The following FABP2 variants were observed in gnomAD, a reference collection of about 807,000 sequenced individuals.
FABP2 encodes the protein fatty acid binding protein 2.
In FABP2, 11 loss-of-function variants were observed where a neutral mutation model predicts 16.1. The observed-to-expected ratio is 0.68, with a 90% CI of 0.43 to 1.13. The LOEUF (loss-of-function observed/expected upper bound fraction) is 1.13. Ranked by LOEUF, FABP2 falls within the 50% of genes most tolerant of loss-of-function variation. FABP2 has a pLI of 0.00. For missense variants in FABP2, 146 were observed against 155.1 expected, an observed-to-expected ratio of 0.94 and a Z score of 0.31; for synonymous variants, 45 against 50.9, an observed-to-expected ratio of 0.88 and a Z score of 0.49.
Position 119,318,554 on chromosome 4 carries a change from A to G in FABP2, c.*487T>C, listed in dbSNP as rs1755615511. 1 of 152,438 alleles carries G rather than the reference A, an allele frequency of 6.6e-6. No individual in the cohort carries two copies. Among genetic ancestry groups the G allele is most frequent in the African/African-American group, 2.4e-5 (1 of 41,396 alleles). The allele number at this position is 152,438 out of a possible 1,614,324, so 9.4% of individuals were successfully genotyped here. A position where few individuals can be genotyped will look rare whatever the true frequency, so the allele number is the denominator to read the frequency against. ...TCTCTAAAAAAAATAAAAAGAAAAC[A>G]AAACAAAAATTAGCTGGGCACTGTG... On this transcript the variant is annotated 3_prime_UTR_variant, in exon 4 of 4. Transcript: ENST00000274024.
chr4:119,320,522 T>C (rs1351094009), intron 2 of FABP2, 148 bp downstream of exon 2: 4 of 581,744 alleles, frequency 6.9e-6, no homozygotes. Context: ...ATTTGTGCAA[T>C]ATATAATGTA....
chr4:119,319,238 A>AT (rs1362074505), intron 3 of FABP2, 147 bp from the exon 4 acceptor site: 2 of 390,762 alleles, frequency 5.1e-6, no homozygotes, highest in East Asian at 9.3e-5. Context: ...AGTTTATACA[A>AT]TTTTTTCTTG....
intron 3 of FABP2, 54 bp downstream of exon 3, chr4:119,319,482 T>C: frequency 7.7e-6 from 8 of 1,036,750 alleles, no homozygotes; most frequent in Non-Finnish European, 1.2e-5. Context: ...ACAAAAATTA[T>C]TGTTTTGTAG....
intron 3 of FABP2, 145 bp downstream of exon 3, chr4:119,319,391 A>G: frequency 2.1e-6 from 1 of 474,058 alleles, no homozygotes; most frequent in Non-Finnish European, 3.7e-6. Context: ...GCATCAGAAA[A>G]TAGCTATACA....
chr4:119,320,776 CCTT>C lies in FABP2; in HGVS notation c.131_133del (p.Glu44del). 1 of 1,606,064 alleles carries C rather than the reference CCTT, an allele frequency of 6.2e-7. No individual in the cohort carries two copies. Among genetic ancestry groups the C allele is most frequent in the South Asian group, 1.1e-5 (1 of 89,416 alleles). The stretch of plus-strand genomic sequence containing the variant: ...TGATTCTTTGACTGTGAATTTATTT[CCTT>C]CTTGTGTAATTGTCAGCTTCAAATT... On this transcript the variant is annotated inframe_deletion, in exon 2 of 4. Transcript: ENST00000274024.
rs1440413725 is a variant in FABP2 at position 119,318,799 on chromosome 4, AT to A, written c.*241del. 2.6e-6 allele frequency: 1 copy of A among 385,132 alleles called. No homozygotes were observed. Among genetic ancestry groups the A allele is most frequent in the Non-Finnish European group, 4.7e-6 (1 of 213,776 alleles). 23.9% of individuals were successfully genotyped at this position (385,132 alleles called of 1,614,324 possible). A position where few individuals can be genotyped will look rare whatever the true frequency, so the allele number is the denominator to read the frequency against. On this transcript the variant is annotated 3_prime_UTR_variant, in exon 4 of 4. Coordinates refer to ENST00000274024, the MANE Select transcript of FABP2 (RefSeq NM_000134.4). Reference sequence around the variant, plus strand: ...ATAAAGCAACATGGACGCAATATTTATTTTTGTTTTTTAAAATGTCACAAAT... The same window carrying A: ...ATAAAGCAACATGGACGCAATATTTATTTTGTTTTTTAAAATGTCACAAAT...
rs1459460225 is a variant in FABP2, at chr4:119,317,797, T to C, written c.*1244A>G. The C allele has an allele frequency of 6.6e-6, 1 of 152,046 alleles. No homozygotes were observed. The highest frequency in any genetic ancestry group is 2.4e-5 in the African/African-American group (1 of 41,408). The allele number at this position is 152,046 out of a possible 1,614,324, so 9.4% of individuals were successfully genotyped here. On this transcript the variant is annotated 3_prime_UTR_variant, in exon 4 of 4. Transcript: ENST00000274024. ...GAAGCACATAAAATTTTACGTCATG[T>C]GAAAATATGAATAAAAGGAAACTTT...
Position 119,318,303 on chromosome 4 carries a change from T to C in FABP2, c.*738A>G, listed in dbSNP as rs189738188. ...TTATTTTACATTTGTGTTTCTTATT[T>C]CTAAGTTTTCTGGTTGAGCATATAT... is the stretch of plus-strand genomic sequence containing the variant. On this transcript the variant is annotated 3_prime_UTR_variant, in exon 4 of 4. Transcript: ENST00000274024. 1 of 152,236 alleles carries C rather than the reference T, an allele frequency of 6.6e-6. No individual in the cohort carries two copies. The highest frequency in any genetic ancestry group is 6.6e-5 in the Admixed American group (1 of 15,266). The allele number at this position is 152,236 out of a possible 1,614,324, so 9.4% of individuals were successfully genotyped here.
chr4:119,319,680 G>T (rs1347374763), intron 2 of FABP2, 37 bp from the exon 3 acceptor site: 1 of 568,086 alleles, frequency 1.8e-6, no homozygotes. Flanking sequence ...TAATAATAAT[G>T]GCATTTATTA....
rs1412975513 is a variant in FABP2 at position 119,319,560 on chromosome 4, T to C, written c.324A>G (p.Glu108=). 6.4e-7 allele frequency: 1 copy of C among 1,565,486 alleles called. No individual in the cohort carries two copies. The highest frequency in any genetic ancestry group is 1.4e-5 in the African/African-American group (1 of 71,728). The change falls in exon 3 of 4, where the codon GAA becomes GAG. Residue 108 remains glutamate, a synonymous_variant. Transcript: ENST00000274024. The part of the protein sequence containing the change: ...DNGNELNTVR[E]IIGDELVQTY... ...CCTGGACTAGTTCATCACCTATAATTTCTCGGACAGTATTCAGTTCGTTTC... is the reference window on the plus strand; with the variant it reads ...CCTGGACTAGTTCATCACCTATAATCTCTCGGACAGTATTCAGTTCGTTTC...
intron 1 of FABP2, among the ~76,000 whole-genome samples, chr4:119,321,080 A>C (rs568247427): frequency 6.6e-6 from 1 of 152,202 alleles, no homozygotes; most frequent in South Asian, 2.1e-4. Flanking sequence ...GAATTATAGA[A>C]TCTTAGAGCT....
rs1174629720 is a variant in FABP2 at position 119,317,332 on chromosome 4, G to A, written c.*1709C>T. The A allele has an allele frequency of 6.6e-6, 1 of 151,876 alleles. No individual in the cohort carries two copies. The highest frequency in any genetic ancestry group is 1.5e-5 in the Non-Finnish European group (1 of 67,904). 9.4% of individuals were successfully genotyped at this position (151,876 alleles called of 1,614,324 possible). On this transcript the variant is annotated 3_prime_UTR_variant, in exon 4 of 4. Coordinates refer to ENST00000274024, the MANE Select transcript of FABP2 (RefSeq NM_000134.4). ...GATATATTGCATAGTGGTAAAGTCT[G>A]GGCTGTAACCATCACCCCCTGAATA...
chr4:119,319,803 G>A (rs1402631049), intron 2 of FABP2, among the ~76,000 whole-genome samples, 160 bp from the exon 3 acceptor site: 5 of 151,940 alleles, frequency 3.3e-5, no homozygotes, highest in African/African-American at 9.7e-5. Flanking sequence ...CAGAAGAGGA[G>A]ACTGTAAAAT....
chr4:119,320,603 C>T (rs1755650250), intron 2 of FABP2, 67 bp downstream of exon 2: 1 of 1,258,714 alleles, frequency 7.9e-7, no homozygotes. Flanking sequence ...TGAAATAGAG[C>T]AGAAATCATT....
intron 1 of FABP2, 132 bp from the exon 2 acceptor site, chr4:119,320,974 A>T: frequency 1.5e-6 from 1 of 654,976 alleles, no homozygotes; most frequent in South Asian, 2.4e-5. Flanking sequence ...GCACAAGAAC[A>T]TTCAGATTGC....
chr4:119,319,025 G>T lies in FABP2; in HGVS notation c.*16C>A, dbSNP rs1052560062. ...CTGTCCAATTTGTATTTTGGACTGTGCGCCAAGAATAATGCTCAATCCTTT... is the reference window on the plus strand; with the variant it reads ...CTGTCCAATTTGTATTTTGGACTGTTCGCCAAGAATAATGCTCAATCCTTT... On this transcript the variant is annotated 3_prime_UTR_variant, in exon 4 of 4. Coordinates refer to ENST00000274024, the MANE Select transcript of FABP2 (RefSeq NM_000134.4). The T allele has an allele frequency of 2.5e-6, 4 of 1,590,352 alleles. No homozygotes were observed. Among genetic ancestry groups the T allele is most frequent in the East Asian group, 2.3e-5 (1 of 42,958 alleles).
At chr4:119,320,545 T>A in intron 2 of FABP2, 125 bp downstream of exon 2, 1 of 716,538 alleles carries the variant, frequency 1.4e-6, no homozygotes. Context: ...CAAACTTCAT[T>A]GGCTTCTTCA....
At position 119,320,756 on chromosome 4, in the gene FABP2, C is replaced by G. The variant is rs1476542561; in HGVS notation, c.154G>C (p.Glu52Gln). 6.2e-7 allele frequency: 1 copy of G among 1,605,966 alleles called. No individual in the cohort carries two copies. Among genetic ancestry groups the G allele is most frequent in the Non-Finnish European group, 8.5e-7 (1 of 1,177,322 alleles). ...TCAATGTTTCGAAAAGTGCTTGATT[C>G]TTTGACTGTGAATTTATTTCCTTCT... ...TQEGNKFTVKESSTFRNIEVV... is the reference protein window; with the variant it reads ...TQEGNKFTVKQSSTFRNIEVV... The change falls in exon 2 of 4, where the codon GAA becomes CAA. Residue 52 changes from glutamate to glutamine, a missense_variant. Glu to Gln is a conservative substitution (Grantham distance 29, BLOSUM62 2). Coordinates refer to ENST00000274024, the MANE Select transcript of FABP2 (RefSeq NM_000134.4).
chr4:119,320,763 TG>T lies in FABP2; in HGVS notation c.146del (p.Thr49LysfsTer25). On this transcript the variant is annotated frameshift_variant, in exon 2 of 4. Coordinates refer to ENST00000274024, the MANE Select transcript of FABP2 (RefSeq NM_000134.4). LOFTEE classifies it high-confidence loss of function. ...LTITQEGNKF[T>X]VKESSTFRNI... is the part of the protein sequence containing the mutation. ...TTCGAAAAGTGCTTGATTCTTTGAC[TG>T]TGAATTTATTTCCTTCTTGTGTAAT... 6.2e-7 allele frequency: 1 copy of T among 1,606,100 alleles called. No homozygotes were observed. The highest frequency in any genetic ancestry group is 8.5e-7 in the Non-Finnish European group (1 of 1,177,398).
Sources: gnomAD v4.1 joint callset for allele counts (sites outside exome capture counted in the v4.1 genomes callset) on GRCh38, gnomAD v4.1.1 for gene constraint, MANE v1.5 for transcripts, NCBI Gene and HGNC (gene_info 2026-07-23, HGNC 2026-07-21) for gene names.